Variants in ENTPD5 observed in about 807,000 individuals in gnomAD.
ENTPD5 encodes the protein nucleoside diphosphate phosphatase ENTPD5.
ENTPD5 carries 49 observed loss-of-function variants against 60.2 expected under a neutral mutation model. The ratio of observed to expected loss-of-function variants is 0.81; its 90% CI spans 0.65 to 1.03. The LOEUF (loss-of-function observed/expected upper bound fraction) is 1.03, where lower values mean the gene tolerates loss of function less well. ENTPD5 is among the 50% of genes least tolerant of loss of function. The pLI is 0.00. For missense variants in ENTPD5, 480 were observed against 507.6 expected (o/e 0.95, Z 0.52); for synonymous variants, 187 against 185.4 (o/e 1.01, Z -0.07).
At chr14:73,955,896 A>G (rs144880038), downstream of ENTPD5, 1,375 of 1,614,166 alleles carry the variant, frequency 8.5e-4, 3 homozygotes, top group Middle Eastern at 2.1e-3. Context: ...GTCATCATGC[A>G]TGCTCTCACT....
At chr14:73,968,722 G>A (rs2057092319) in intron 15 of ENTPD5, among the ~76,000 whole-genome samples, 2 of 152,136 alleles carry the variant, frequency 1.3e-5, no homozygotes, top group Non-Finnish European at 2.9e-5. Flanking sequence ...CATCAGGCCC[G>A]GCTGTATTAC....
downstream of ENTPD5, chr14:73,955,732 A>G: frequency 6.2e-7 from 1 of 1,604,876 alleles, no homozygotes. Flanking sequence ...TCACTTGGGA[A>G]AGCAATATTG....
chr14:73,974,492 C>T (rs1420199368), intron 11 of ENTPD5, among the ~76,000 whole-genome samples: 1 of 152,204 alleles, frequency 6.6e-6, no homozygotes, highest in African/African-American at 2.4e-5. Context: ...TGCCTCATAT[C>T]ACAACACTGG....
At chr14:73,962,154 GC>G (rs1353322192), downstream of ENTPD5, among the ~76,000 whole-genome samples, 1 of 151,830 alleles carries the variant, frequency 6.6e-6, no homozygotes, top group Non-Finnish European at 1.5e-5. Context: ...CACCATGTTG[GC>G]CAAGCTGGTC....
At chr14:74,010,281 G>A (rs1594957615) in intron 3 of ENTPD5, among the ~76,000 whole-genome samples, 1 of 152,256 alleles carries the variant, frequency 6.6e-6, no homozygotes, top group South Asian at 2.1e-4. Context: ...TCGGCCAGGC[G>A]CAGTGGCTCA....
rs79071732 is a variant in ENTPD5 at position 73,967,818 on chromosome 14, G to GA, written c.1201-805dup. 1.1e-3 allele frequency among the ~76,000 whole-genome samples: 122 copies of GA among 109,394 alleles called. 2 individuals carry two copies. Among genetic ancestry groups the GA allele is most frequent in the African/African-American group, 3.8e-3 (119 of 31,114 alleles). The allele number at this position is 109,394 out of a possible 152,430, so 71.8% of individuals were successfully genotyped here. On this transcript the variant is annotated intron_variant, in intron 15 of 15. Transcript: ENST00000334696. ...CTGTCTCAAAAAAAAAAAAAAAAAA[G>GA]AAAAAAAAAGAAACGAACAAAAAAG...
chr14:73,984,198 T>G (rs1200873422), intron 5 of ENTPD5, among the ~76,000 whole-genome samples: 1 of 152,204 alleles, frequency 6.6e-6, no homozygotes, highest in African/African-American at 2.4e-5. Context: ...TGGCTGATTA[T>G]TTCATGTTTC....
intron 9 of ENTPD5, 117 bp downstream of exon 9, chr14:73,976,204 ATTG>A: frequency 1.1e-6 from 1 of 912,304 alleles, no homozygotes; most frequent in South Asian, 1.5e-5. Flanking sequence ...CTAGTTATTA[ATTG>A]ACTTGACTCT....
intron 3 of ENTPD5, chr14:74,009,212 G>A (rs937428937): frequency 2.0e-5 from 3 of 152,174 alleles, no homozygotes; most frequent in Non-Finnish European, 4.4e-5. Context: ...AGAAGATACT[G>A]TCATTCAGGA....
chr14:73,970,328 C>T (rs1023561918), intron 14 of ENTPD5, among the ~76,000 whole-genome samples: 1 of 152,034 alleles, frequency 6.6e-6, no homozygotes, highest in African/African-American at 2.4e-5. Flanking sequence ...CCCATCTCTA[C>T]TAAAAATACA....
intron 2 of ENTPD5, among the ~76,000 whole-genome samples, chr14:74,015,105 T>C (rs2058975228): frequency 6.7e-6 from 1 of 150,352 alleles, no homozygotes. Context: ...AGAAAGTAAC[T>C]CCCATAAGAA....
intron 3 of ENTPD5, among the ~76,000 whole-genome samples, chr14:73,996,956 C>G (rs2058359180): frequency 6.6e-6 from 1 of 152,054 alleles, no homozygotes; most frequent in Admixed American, 6.6e-5. Context: ...AACAAACTAA[C>G]AAAACCCAGA....
chr14:73,961,312 TTC>T, downstream of ENTPD5: 1 of 1,614,016 alleles, frequency 6.2e-7, no homozygotes, highest in Non-Finnish European at 8.5e-7. Flanking sequence ...AAAAGCCGAG[TTC>T]TGTTTCCTCT....
chr14:74,006,692 C>T (rs10132736), intron 3 of ENTPD5, among the ~76,000 whole-genome samples: 16,518 of 151,356 alleles, frequency 0.11, 989 homozygotes, highest in African/African-American at 0.16. Flanking sequence ...CTCAAATGAT[C>T]CTCTTGCCTT....
chr14:73,962,047 A>C (rs1033767289), downstream of ENTPD5: 1 of 961,272 alleles, frequency 1.0e-6, no homozygotes, highest in Non-Finnish European at 1.6e-6. Context: ...TCCCAGGTTC[A>C]AGTGATTATC....
intron 5 of ENTPD5, chr14:73,986,522 C>G: frequency 3.0e-6 from 1 of 330,830 alleles, no homozygotes; most frequent in Non-Finnish European, 5.6e-6. Flanking sequence ...TGAACAAATA[C>G]AACTGATGGC....
At chr14:73,988,731 CAACT>C (rs1442355048) in intron 3 of ENTPD5, among the ~76,000 whole-genome samples, 1 of 152,190 alleles carries the variant, frequency 6.6e-6, no homozygotes, top group African/African-American at 2.4e-5. Context: ...TCCATGAAAT[CAACT>C]TTTTTAGCTC....
intron 3 of ENTPD5, among the ~76,000 whole-genome samples, chr14:74,001,969 A>G (rs1411993306): frequency 6.6e-6 from 1 of 152,188 alleles, no homozygotes; most frequent in African/African-American, 2.4e-5. Context: ...TTTAATGCAG[A>G]GGATAAAGAT....
At chr14:73,981,184 T>A (rs902782725) in intron 6 of ENTPD5, among the ~76,000 whole-genome samples, 2 of 151,952 alleles carry the variant, frequency 1.3e-5, no homozygotes, top group African/African-American at 2.4e-5. Context: ...AAATTTTTGA[T>A]CTGAATAAGA....
Sources: allele counts gnomAD v4.1 joint callset (sites outside exome capture counted in the v4.1 genomes callset), GRCh38; gene constraint gnomAD v4.1.1; transcripts MANE v1.5; gene names NCBI Gene and HGNC (gene_info 2026-07-23, HGNC 2026-07-21).